ACSL1: variants seen among roughly 807,000 people sequenced by gnomAD.
ACSL1 encodes the protein acyl-CoA synthetase long chain family member 1.
A neutral mutation model predicts 98.4 loss-of-function variants in ACSL1; 41 were observed. The observed-to-expected ratio is 0.42, with a 90% CI of 0.32 to 0.54. The LOEUF is 0.54. Among genes scored for constraint, ACSL1 ranks in the 20% least tolerant of loss-of-function variants. ACSL1 has a pLI of 0.13. For synonymous variants in ACSL1, 316 were observed against 322.7 expected, an observed-to-expected ratio of 0.98 and a Z score of 0.22; for missense variants, 734 against 883.1, an observed-to-expected ratio of 0.83 and a Z score of 2.14.
At chr4:184,826,284 A>T (rs1181859415), upstream of ACSL1, among the ~76,000 whole-genome samples, 7 of 152,084 alleles carry the variant, frequency 4.6e-5, no homozygotes, top group African/African-American at 1.4e-4. Context: ...GAGGAAGGAC[A>T]AAGGGTACAT....
intron 1 of ACSL1, among the ~76,000 whole-genome samples, chr4:184,811,830 A>C (rs764292616): frequency 5.3e-5 from 8 of 152,194 alleles, no homozygotes. Context: ...TATATATTTT[A>C]CCACAATAAA....
intron 2 of ACSL1, among the ~76,000 whole-genome samples, chr4:184,801,433 A>G (rs1466868003): frequency 2.0e-5 from 3 of 152,196 alleles, no homozygotes; most frequent in Non-Finnish European, 4.4e-5. Context: ...CACAGCAACA[A>G]TATTCCACTC....
chr4:184,788,377 A>T, intron 3 of ACSL1: 1 of 617,460 alleles, frequency 1.6e-6, no homozygotes, highest in East Asian at 3.4e-5. Flanking sequence ...CATGTGACTC[A>T]CCATAAAATA....
intron 2 of ACSL1, among the ~76,000 whole-genome samples, chr4:184,790,400 T>G (rs1380011493): frequency 6.6e-6 from 1 of 152,254 alleles, no homozygotes; most frequent in Non-Finnish European, 1.5e-5. Flanking sequence ...ATAGACATTC[T>G]GTCAATATCT....
At chr4:184,814,419 C>A (rs1019216128) in intron 1 of ACSL1, among the ~76,000 whole-genome samples, 1 of 151,934 alleles carries the variant, frequency 6.6e-6, no homozygotes, top group Non-Finnish European at 1.5e-5. Context: ...ACAATCCTGG[C>A]GTCCAGGACT....
chr4:184,826,451 T>C (rs985512390), upstream of ACSL1: 1 of 152,530 alleles, frequency 6.6e-6, no homozygotes, highest in Non-Finnish European at 1.5e-5. Flanking sequence ...GGCAAGGGCC[T>C]TCCTCTCCGT....
chr4:184,763,212 A>G lies in ACSL1; in HGVS notation c.1476T>C (p.Val492=), dbSNP rs1763105371. ...APMPCNLIKL[V]DVEEMNYMAA... ...CCATGTAATTCATTTCTTCCACATC[A>G]ACAAGTTTTATCAAATTGCACGGCA... The change falls in exon 16 of 21, where the codon GTT becomes GTC. Residue 492 remains valine (V), a synonymous_variant. Coordinates refer to ENST00000281455, the MANE Select transcript of ACSL1 (RefSeq NM_001995.5). 2 of 1,613,932 alleles carry G rather than the reference A, an allele frequency of 1.2e-6. No homozygotes were observed. The highest frequency in any genetic ancestry group is 3.3e-5 in the Admixed American group (2 of 59,958).
intron 3 of ACSL1, 46 bp downstream of exon 3, chr4:184,788,571 T>A: frequency 6.8e-7 from 1 of 1,481,234 alleles, no homozygotes; most frequent in Non-Finnish European, 9.4e-7. Flanking sequence ...TCGTTCTTCA[T>A]GAAACACGGC....
At chr4:184,800,977 C>T (rs1361068046) in intron 2 of ACSL1, among the ~76,000 whole-genome samples, 3 of 152,150 alleles carry the variant, frequency 2.0e-5, no homozygotes, top group South Asian at 2.1e-4. Flanking sequence ...TTCAGTCTCC[C>T]GAGTAGCTGG....
chr4:184,817,620 A>C (rs1463076725), intron 1 of ACSL1, among the ~76,000 whole-genome samples: 2 of 152,104 alleles, frequency 1.3e-5, no homozygotes, highest in Non-Finnish European at 2.9e-5. Flanking sequence ...GGCACCCTGA[A>C]ATGCGTGCCA....
chr4:184,790,016 G>A (rs1161505540), intron 2 of ACSL1, among the ~76,000 whole-genome samples: 1 of 151,964 alleles, frequency 6.6e-6, no homozygotes, highest in East Asian at 1.9e-4. Context: ...GGAAGAGATC[G>A]TTTCTGGCTT....
intron 3 of ACSL1, among the ~76,000 whole-genome samples, chr4:184,785,621 GA>G (rs554396826): frequency 1.2e-4 from 4 of 32,530 alleles, no homozygotes; most frequent in South Asian, 2.0e-3. Flanking sequence ...GGGGGGGGGG[GA>G]AGGAAGCAAA....
chr4:184,815,228 T>A, intron 1 of ACSL1: 1 of 378,614 alleles, frequency 2.6e-6, no homozygotes, highest in Non-Finnish European at 5.3e-6. Flanking sequence ...GAGACAGGAG[T>A]GGGTGGAGAA....
chr4:184,812,320 G>C (rs1314703006), intron 1 of ACSL1: 5 of 691,292 alleles, frequency 7.2e-6, no homozygotes, highest in Non-Finnish European at 8.9e-6. Flanking sequence ...CTGTGATTCT[G>C]ACCGTGTCAG....
intron 17 of ACSL1, among the ~76,000 whole-genome samples, chr4:184,760,988 G>A (rs1561171486): frequency 6.6e-6 from 1 of 152,212 alleles, no homozygotes; most frequent in Non-Finnish European, 1.5e-5. Flanking sequence ...GGTGCTCTTG[G>A]CCCTTTGGGA....
At chr4:184,789,588 T>C (rs1054890151) in intron 2 of ACSL1, among the ~76,000 whole-genome samples, 1 of 152,226 alleles carries the variant, frequency 6.6e-6, no homozygotes, top group African/African-American at 2.4e-5. Context: ...AGGTGCAACA[T>C]TTATAGGTGT....
intron 1 of ACSL1, among the ~76,000 whole-genome samples, chr4:184,812,455 G>A (rs34202162): frequency 0.45 from 68,725 of 151,926 alleles, 17,134 homozygotes; most frequent in South Asian, 0.55. Flanking sequence ...CCTTCTACCC[G>A]CCACCAGACT....
Position 184,766,773 on chromosome 4 carries a change from T to A in ACSL1, c.1129-17A>T. ...TCCGAAAATCTAATGAGGCAAGACA[T>A]GAGAAAGTTTTCACACCTACTAGGA... is the stretch of plus-strand genomic sequence containing the variant. On this transcript the variant is annotated splice_polypyrimidine_tract_variant and intron_variant, in intron 12 of 20. Transcript: ENST00000281455. This position sits in a 1 kb window ranked among gnomAD's most constrained non-coding sequence, Gnocchi z 4.8. 1.9e-6 allele frequency: 3 copies of A among 1,605,342 alleles called. No individual in the cohort carries two copies. The highest frequency in any genetic ancestry group is 1.7e-6 in the Non-Finnish European group (2 of 1,173,220).
chr4:184,773,095 C>CA lies in ACSL1; in HGVS notation c.900dup (p.Val301CysfsTer14). 1 of 1,613,966 alleles carries CA rather than the reference C, an allele frequency of 6.2e-7. No individual in the cohort carries two copies. Among genetic ancestry groups the CA allele is most frequent in the Non-Finnish European group, 8.5e-7 (1 of 1,179,838 alleles). ...CAAAAAGTTACCTCTGTTGCTTTCA[C>CA]AAAAGCTGAACAATCGCTCACTATG... is the stretch of plus-strand genomic sequence containing the variant. On this transcript the variant is annotated frameshift_variant, in exon 10 of 21. Transcript: ENST00000281455. LOFTEE classifies it high-confidence loss of function. The surrounding 1 kb of genome is among the most constrained non-coding windows in gnomAD (Gnocchi z 4.3).
Sources: gnomAD v4.1 joint callset for allele counts (sites outside exome capture counted in the v4.1 genomes callset) on GRCh38, gnomAD v4.1.1 for gene constraint, Gnocchi (gnomAD v3.1) non-coding constraint, MANE v1.5 for transcripts, NCBI Gene and HGNC (gene_info 2026-07-23, HGNC 2026-07-21) for gene names.